The following RPH3A variants were observed in gnomAD, a reference collection of about 807,000 sequenced individuals.
The protein encoded by RPH3A is rabphilin-3A.
A neutral mutation model predicts 102.2 loss-of-function variants in RPH3A; 48 were observed. The observed-to-expected ratio is 0.47, with a 90% CI of 0.37 to 0.60. RPH3A has a LOEUF of 0.60. Ranked by LOEUF, RPH3A falls within the 20% of genes least tolerant of loss-of-function variation. The probability of loss-of-function intolerance (pLI) is 0.00; values close to 1 mark genes in which losing one functional copy is unlikely to be tolerated. For synonymous variants in RPH3A, 310 were observed against 324.3 expected (o/e 0.96, Z 0.47); for missense variants, 781 against 910.1 (o/e 0.86, Z 1.83).
intron 5 of RPH3A, among the ~76,000 whole-genome samples, chr12:112,860,628 C>T (rs1789493378): frequency 6.6e-6 from 1 of 152,224 alleles, no homozygotes; most frequent in Non-Finnish European, 1.5e-5. Context: ...CCCACGCCCT[C>T]TTCCTGAGCT....
chr12:112,602,853 A>T (rs1351675314), intron 1 of RPH3A, among the ~76,000 whole-genome samples: 1 of 152,194 alleles, frequency 6.6e-6, no homozygotes, highest in Non-Finnish European at 1.5e-5. Context: ...TTTTCTTTCC[A>T]TCTTAGGTTC....
intron 1 of RPH3A, among the ~76,000 whole-genome samples, chr12:112,645,181 A>G (rs1311868767): frequency 6.6e-6 from 1 of 152,168 alleles, no homozygotes; most frequent in East Asian, 1.9e-4. Flanking sequence ...TAGTTACTAG[A>G]CCAAACCACA....
At chr12:112,751,502 G>A (rs1565869845) in intron 1 of RPH3A, among the ~76,000 whole-genome samples, 2 of 152,296 alleles carry the variant, frequency 1.3e-5, no homozygotes, top group East Asian at 3.9e-4. Context: ...GTGAGGCCTG[G>A]CATGAAGTCC....
intron 1 of RPH3A, among the ~76,000 whole-genome samples, chr12:112,775,651 G>A (rs2040960933): frequency 6.6e-6 from 1 of 152,124 alleles, no homozygotes; most frequent in Admixed American, 6.5e-5. Flanking sequence ...AGGCAGGGGA[G>A]GGAACCATGG....
At chr12:112,732,303 A>G (rs1303316159) in intron 1 of RPH3A, among the ~76,000 whole-genome samples, 2 of 152,156 alleles carry the variant, frequency 1.3e-5, no homozygotes, top group South Asian at 2.1e-4. Flanking sequence ...GAACACGCTC[A>G]TTTCCAAAGA....
In RPH3A at chr12:112,862,243, C is replaced by G. The variant is rs183387141; in HGVS notation, c.231-3171C>G. ...CCACAGAGTGAGACTCAGTCCCCCC[C>G]CCAAAAAAAAAGTTAGCCGGGCATG... On this transcript the variant is annotated intron_variant, in intron 5 of 21. Transcript: ENST00000389385. Among the ~76,000 whole-genome samples, 714 of 149,160 alleles carry G rather than the reference C, an allele frequency of 4.8e-3. 4 individuals carry two copies. The highest frequency in any genetic ancestry group is 0.016 in the African/African-American group (643 of 39,904).
chr12:112,622,182 C>T (rs2039735760), intron 1 of RPH3A, among the ~76,000 whole-genome samples: 1 of 110,652 alleles, frequency 9.0e-6, no homozygotes, highest in African/African-American at 4.9e-5. Context: ...CAGTTCCTCA[C>T]CAGCAACGGA....
At chr12:112,589,594 A>T (rs117244181) in intron 1 of RPH3A, among the ~76,000 whole-genome samples, 1,910 of 151,578 alleles carry the variant, frequency 0.013, 16 homozygotes, top group Non-Finnish European at 0.017. Context: ...TTAACATTAC[A>T]CCTCCTCTCA....
At chr12:112,694,924 TCTATGCTGTTCC>T (rs746144472) in intron 1 of RPH3A, 3 of 170,060 alleles carry the variant, frequency 1.8e-5, no homozygotes, top group Non-Finnish European at 4.4e-5. Flanking sequence ...AGTCACTTCA[TCTATGCTGTTCC>T]CTTCTGCTGT....
At chr12:112,746,767 A>G (rs1187978442) in intron 1 of RPH3A, among the ~76,000 whole-genome samples, 1 of 152,012 alleles carries the variant, frequency 6.6e-6, no homozygotes, top group African/African-American at 2.4e-5. Context: ...TGTCTCCGGC[A>G]GTTTCTCTGC....
At chr12:112,714,391 G>A (rs1328914861) in intron 1 of RPH3A, among the ~76,000 whole-genome samples, 1 of 152,168 alleles carries the variant, frequency 6.6e-6, no homozygotes, top group Non-Finnish European at 1.5e-5. Flanking sequence ...GGTGCGTGCA[G>A]GAGCCAGGCC....
At chr12:112,881,304 G>A (rs554121665) in intron 14 of RPH3A, among the ~76,000 whole-genome samples, 1 of 152,316 alleles carries the variant, frequency 6.6e-6, no homozygotes, top group East Asian at 1.9e-4. Context: ...AGTCTTAGAA[G>A]AGAATGCAGG....
chr12:112,597,118 G>T (rs1028702998), intron 1 of RPH3A, among the ~76,000 whole-genome samples: 1 of 152,150 alleles, frequency 6.6e-6, no homozygotes, highest in East Asian at 1.9e-4. Flanking sequence ...ATAGGAAAAA[G>T]CTTGGAACTG....
At chr12:112,738,664 T>G (rs762687437) in intron 1 of RPH3A, among the ~76,000 whole-genome samples, 9 of 152,096 alleles carry the variant, frequency 5.9e-5, no homozygotes, top group Non-Finnish European at 1.3e-4. Flanking sequence ...CTGCACTACC[T>G]CCAGCTCAAT....
chr12:112,619,192 T>A (rs2039702673), intron 1 of RPH3A, among the ~76,000 whole-genome samples: 1 of 152,100 alleles, frequency 6.6e-6, no homozygotes, highest in African/African-American at 2.4e-5. Flanking sequence ...TGTAGACATA[T>A]GTTTTCAGTT....
rs371362910 is a variant in RPH3A at position 112,631,695 on chromosome 12, AT to A, written c.-140+56385del. ...ATGCCACCGCACCTGCTAATTTGTA[AT>A]TTTTTTTTGTAGAGATGGGCTCTCC... On this transcript the variant is annotated intron_variant, in intron 1 of 21. Transcript: ENST00000543106. 1.4e-3 allele frequency among the ~76,000 whole-genome samples: 210 copies of A among 150,128 alleles called. 2 individuals carry two copies. The highest frequency in any genetic ancestry group is 5.0e-3 in the African/African-American group (204 of 40,868).
At position 112,883,538 on chromosome 12, in the gene RPH3A, C is replaced by T. The variant is rs1432074055; in HGVS notation, c.1436+136C>T. ...AGTTTATTTTTTTCCTTCTTGTTTA[C>T]TTTTACCAAAAAATGATATATATAT... On this transcript the variant is annotated intron_variant, in intron 16 of 21. Transcript: ENST00000389385. 4.7e-6 allele frequency: 3 copies of T among 635,002 alleles called. No individual in the cohort carries two copies. The African/African-American group carries it at 5.5e-5, about 12-fold the overall frequency. 39.3% of individuals were successfully genotyped at this position (635,002 alleles called of 1,614,324 possible).
chr12:112,676,155 G>A lies in RPH3A; in HGVS notation c.-140+100836G>A, dbSNP rs188664165. Among the ~76,000 whole-genome samples, 808 of 152,148 alleles carry A rather than the reference G, an allele frequency of 5.3e-3. 5 individuals are homozygous for A. The highest frequency in any genetic ancestry group is 0.019 in the African/African-American group (777 of 41,498). ...CCTCTGATCTCTACGTGGGCCTCCCGTTGGCAGAATGGACCTGAAGCCAGT... is the reference window on the plus strand; with the variant it reads ...CCTCTGATCTCTACGTGGGCCTCCCATTGGCAGAATGGACCTGAAGCCAGT... On this transcript the variant is annotated intron_variant, in intron 1 of 21. Transcript: ENST00000543106.
chr12:112,769,383 A>G (rs1368090058), intron 1 of RPH3A, among the ~76,000 whole-genome samples: 1 of 152,226 alleles, frequency 6.6e-6, no homozygotes, highest in Non-Finnish European at 1.5e-5. Context: ...TTTTAAAATA[A>G]CAAGACCAGA....
Sources: gnomAD v4.1 joint callset for allele counts (sites outside exome capture counted in the v4.1 genomes callset) on GRCh38, gnomAD v4.1.1 for gene constraint, MANE v1.5 for transcripts, NCBI Gene and HGNC (gene_info 2026-07-23, HGNC 2026-07-21) for gene names.